Variants in AKR1E2 observed in about 807,000 individuals in gnomAD.
AKR1E2 encodes 1,5-anhydro-D-fructose reductase.
Under a neutral mutation model 41.9 loss-of-function variants are expected in AKR1E2, and 43 were observed. The observed-to-expected ratio is 1.03, with a 90% confidence interval of 0.80 to 1.32. AKR1E2 has a LOEUF of 1.32. AKR1E2 is among the 40% of genes most tolerant of loss of function. The probability of loss-of-function intolerance (pLI) is 0.00; values close to 1 mark genes in which losing one functional copy is unlikely to be tolerated. For synonymous variants in AKR1E2, 121 were observed against 138.9 expected (o/e 0.87, Z 0.91); for missense variants, 423 against 396.5 (o/e 1.07, Z -0.57).
At chr10:4,833,731 A>AT (rs989995165) in intron 3 of AKR1E2, among the ~76,000 whole-genome samples, 17 of 152,002 alleles carry the variant, frequency 1.1e-4, no homozygotes, top group Non-Finnish European at 2.1e-4. Context: ...AGAGCAGTAG[A>AT]TTTTTTTCCC....
rs866550766 is a variant in AKR1E2, at chr10:4,836,473, G to C, written c.459+664G>C. Among the ~76,000 whole-genome samples, 7 of 152,300 alleles carry C rather than the reference G, an allele frequency of 4.6e-5. No individual in the cohort carries two copies. In the Middle Eastern group the frequency reaches 0.014, roughly 296 times the overall value. ...CTGACCGAGCACGTGTGGTCTTACAGTCTTGCTAACCATCATGTGGGATGG... is the reference window on the plus strand; with the variant it reads ...CTGACCGAGCACGTGTGGTCTTACACTCTTGCTAACCATCATGTGGGATGG... On this transcript the variant is annotated intron_variant, in intron 4 of 9. Transcript: ENST00000298375.
the AKR1E2 span, among the ~76,000 whole-genome samples, chr10:4,860,323 G>C: frequency 1.3e-5 from 2 of 152,136 alleles, no homozygotes; most frequent in Non-Finnish European, 2.9e-5. Context: ...CTCTCTTCAC[G>C]GTGCCATTGC....
At chr10:4,862,889 G>T in the AKR1E2 span, among the ~76,000 whole-genome samples, 3 of 125,770 alleles carry the variant, frequency 2.4e-5, no homozygotes, top group African/African-American at 8.5e-5. Context: ...AATGATAAAG[G>T]GATCAATTCA....
intron 1 of AKR1E2, among the ~76,000 whole-genome samples, chr10:4,829,061 G>T (rs1201817115): frequency 1.3e-5 from 2 of 151,786 alleles, no homozygotes; most frequent in African/African-American, 4.8e-5. Flanking sequence ...AGTTGTTCAG[G>T]TGCTTCTGGA....
At chr10:4,850,276 C>A (rs570683664), downstream of AKR1E2, among the ~76,000 whole-genome samples, 2 of 152,332 alleles carry the variant, frequency 1.3e-5, no homozygotes, top group East Asian at 3.9e-4. Context: ...TCTCTCCTGA[C>A]TTTAAGACTG....
intron 8 of AKR1E2, among the ~76,000 whole-genome samples, chr10:4,846,423 T>A (rs1275597615): frequency 6.6e-6 from 1 of 152,182 alleles, no homozygotes; most frequent in Non-Finnish European, 1.5e-5. Context: ...TACTCTGTGA[T>A]ATGGGTACTG....
intron 8 of AKR1E2, among the ~76,000 whole-genome samples, chr10:4,842,848 C>T (rs918815987): frequency 2.0e-5 from 3 of 152,168 alleles, no homozygotes; most frequent in Non-Finnish European, 4.4e-5. Context: ...TGGATGTCTC[C>T]TAAGCGTGCA....
intron 7 of AKR1E2, 43 bp from the exon 8 acceptor site, chr10:4,842,378 G>A (rs528875662): frequency 6.4e-7 from 1 of 1,559,470 alleles, no homozygotes. Context: ...AGACTACATG[G>A]GATTTCCCTT....
the AKR1E2 span, among the ~76,000 whole-genome samples, chr10:4,863,311 C>G: frequency 6.6e-6 from 1 of 152,168 alleles, no homozygotes; most frequent in Non-Finnish European, 1.5e-5. Flanking sequence ...GAAAGTCACT[C>G]AAAACCACTC....
rs12573669 is a variant in AKR1E2 at position 4,842,450 on chromosome 10, T to C, written c.783T>C (p.Asn261=). ...QILIRFQIQR[N]VIVIPGSITP... The stretch of plus-strand genomic sequence containing the variant: ...TGATCCGATTTCAAATCCAGAGGAA[T>C]GTGATAGTGATCCCCGGATCTATCA... The change falls in exon 8 of 10, where the codon AAT becomes AAC. Residue 261 remains asparagine (N), a synonymous_variant. Transcript: ENST00000298375. The C allele has an allele frequency of 0.043, 68,622 of 1,613,924 alleles. 1,822 individuals carry two copies. The highest frequency in any genetic ancestry group is 0.12 in the East Asian group (5,521 of 44,864).
intron 6 of AKR1E2, among the ~76,000 whole-genome samples, chr10:4,840,886 C>T (rs1441327283): frequency 2.0e-5 from 3 of 152,214 alleles, no homozygotes; most frequent in Non-Finnish European, 2.9e-5. Flanking sequence ...CTAGTCAAAG[C>T]AACCAGAGTG....
the AKR1E2 span, among the ~76,000 whole-genome samples, chr10:4,866,800 A>G: frequency 6.6e-6 from 1 of 151,908 alleles, no homozygotes; most frequent in African/African-American, 2.4e-5. Context: ...GTAGTTAGAG[A>G]TGAAATCACA....
At chr10:4,848,073 A>C (rs1834450513), downstream of AKR1E2, 1 of 122,462 alleles carries the variant, frequency 8.2e-6, no homozygotes, top group Admixed American at 1.0e-4. Flanking sequence ...TCTGAATTTT[A>C]ATTTCTTTTT....
At chr10:4,850,078 G>A (rs763981056), downstream of AKR1E2, among the ~76,000 whole-genome samples, 1 of 152,128 alleles carries the variant, frequency 6.6e-6, no homozygotes, top group Non-Finnish European at 1.5e-5. Flanking sequence ...TTGATAACCC[G>A]GCCCCTCTTG....
chr10:4,837,417 G>C lies in AKR1E2; in HGVS notation c.460-42G>C, dbSNP rs749980627. On this transcript the variant is annotated intron_variant, in intron 4 of 9. Coordinates refer to ENST00000298375, the MANE Select transcript of AKR1E2 (RefSeq NM_001040177.3). ...CTGAGGGACGTAGATTGTCAGTGCA[G>C]TAGACAGAAGCTTCACACCCAGCAG... The C allele has an allele frequency of 1.9e-6, 3 of 1,606,406 alleles. No homozygotes were observed. In the Admixed American group the frequency reaches 5.0e-5, roughly 27 times the overall value.
chr10:4,845,735 G>A (rs1330165940), intron 8 of AKR1E2: 3 of 470,980 alleles, frequency 6.4e-6, no homozygotes, highest in African/African-American at 2.0e-5. Flanking sequence ...AATGTGACAC[G>A]GGGACCTTGG....
Position 4,833,407 on chromosome 10 carries a change from A to G in AKR1E2, c.265A>G (p.Lys89Glu). 1 of 1,614,140 alleles carries G rather than the reference A, an allele frequency of 6.2e-7. No individual in the cohort carries two copies. Among genetic ancestry groups the G allele is most frequent in the Non-Finnish European group, 8.5e-7 (1 of 1,180,036 alleles). The change falls in exon 3 of 10, where the codon AAG (lysine) becomes GAG (glutamate). Residue 89 changes from lysine (K) to glutamate (E), a missense_variant. Lys to Glu is a moderately conservative substitution (Grantham distance 56, BLOSUM62 1). Transcript: ENST00000298375. ...LVETACRKSLKALKLNYLDLY... is the reference protein window; with the variant it reads ...LVETACRKSLEALKLNYLDLY... ...GGAAACAGCATGCAGAAAGAGTCTC[A>G]AGGCCTTGAAGCTGAACTATTTGGA... is the stretch of plus-strand genomic sequence containing the variant.
upstream of AKR1E2, among the ~76,000 whole-genome samples, chr10:4,825,931 G>GT (rs1564248344): frequency 5.0e-4 from 76 of 152,342 alleles, 1 homozygote; most frequent in African/African-American, 1.8e-3. Context: ...CCTAAGGTGG[G>GT]GGCGTGAGCG....
At chr10:4,851,834 G>A (rs1327128267), downstream of AKR1E2, among the ~76,000 whole-genome samples, 1 of 152,096 alleles carries the variant, frequency 6.6e-6, no homozygotes, top group Non-Finnish European at 1.5e-5. Context: ...ATACCATGTG[G>A]GAAACAGTTA....
Sources: gnomAD v4.1 joint callset for allele counts (sites outside exome capture counted in the v4.1 genomes callset) on GRCh38, gnomAD v4.1.1 for gene constraint, MANE v1.5 for transcripts, NCBI Gene and HGNC (gene_info 2026-07-23, HGNC 2026-07-21) for gene names.